The following PLA2G4F variants were observed in gnomAD, a reference collection of about 807,000 sequenced individuals.
PLA2G4F encodes phospholipase A2 group IVF, also known as cytosolic phospholipase A2 zeta.
A neutral mutation model predicts 103.1 loss-of-function variants in PLA2G4F; 105 were observed. That is an observed-to-expected ratio of 1.02 (90% CI 0.87 to 1.20). The LOEUF (loss-of-function observed/expected upper bound fraction) is 1.20, where lower values mean the gene tolerates loss of function less well. PLA2G4F is among the 50% of genes most tolerant of loss of function. The pLI is 0.00. For synonymous variants in PLA2G4F, 468 were observed against 441.1 expected, an observed-to-expected ratio of 1.06 and a Z score of -0.76; for missense variants, 1,155 against 1,075.9, an observed-to-expected ratio of 1.07 and a Z score of -1.03.
At position 42,154,360 on chromosome 15, in the gene PLA2G4F, TC is replaced by T; in HGVS notation, c.282del (p.Trp94Ter). On this transcript the variant is annotated frameshift_variant, in exon 3 of 20. Coordinates refer to ENST00000397272, the MANE Select transcript of PLA2G4F (RefSeq NM_213600.4). LOFTEE classifies it high-confidence loss of function. The part of the protein sequence containing the change: ...RIVANCSDPE[W>X]NETFHYQIHG... ...TGGATCTGGTAGTGGAAGGTCTCAT[TC>T]CACTCGGGGTCACTGCAGTTGGCCA... The T allele has an allele frequency of 1.2e-6, 2 of 1,611,646 alleles. No homozygotes were observed. Among genetic ancestry groups the T allele is most frequent in the Non-Finnish European group, 1.7e-6 (2 of 1,178,448 alleles).
chr15:42,140,010 C>A lies in PLA2G4F; in HGVS notation c.*1974G>T, dbSNP rs2048815069. The A allele has an allele frequency of 6.6e-6, 1 of 152,188 alleles. No individual in the cohort carries two copies. The highest frequency in any genetic ancestry group is 2.1e-4 in the South Asian group (1 of 4,830). 9.4% of individuals were successfully genotyped at this position (152,188 alleles called of 1,614,324 possible). A position where few individuals can be genotyped will look rare whatever the true frequency, so the allele number is the denominator to read the frequency against. On this transcript the variant is annotated 3_prime_UTR_variant, in exon 20 of 20. Transcript: ENST00000397272. ...GCTGATCACATAGCTGAAGCAGAGA[C>A]CTTATTGTAAGCAACTTTTCATGTG... is the stretch of plus-strand genomic sequence containing the variant.
In PLA2G4F at chr15:42,141,895, C is replaced by A; in HGVS notation, c.*89G>T. The A allele has an allele frequency of 7.5e-7, 1 of 1,337,894 alleles. No homozygotes were observed. Among genetic ancestry groups the A allele is most frequent in the South Asian group, 1.3e-5 (1 of 75,440 alleles). 82.9% of individuals were successfully genotyped at this position (1,337,894 alleles called of 1,614,324 possible). ...CTGGAGAGAAGGGAAGCAGATCCTG[C>A]ACAGAGTCCCCATCGCTCCTCCCTC... On this transcript the variant is annotated 3_prime_UTR_variant, in exon 20 of 20. Coordinates refer to ENST00000397272, the MANE Select transcript of PLA2G4F (RefSeq NM_213600.4).
chr15:42,153,670 G>T lies in PLA2G4F; in HGVS notation c.451-10C>A, dbSNP rs562769081. The T allele has an allele frequency of 5.0e-6, 8 of 1,614,070 alleles. No individual in the cohort carries two copies. The African/African-American group carries it at 5.3e-5, about 11-fold the overall frequency. ...GCAGCTCTTGTGAATCCTACATGGAGGGGGAGGGAGCACCAATTTTTTCAA... is the reference window on the plus strand; with the variant it reads ...GCAGCTCTTGTGAATCCTACATGGATGGGGAGGGAGCACCAATTTTTTCAA... On this transcript the variant is annotated splice_polypyrimidine_tract_variant and intron_variant, in intron 4 of 19. Coordinates refer to ENST00000397272, the MANE Select transcript of PLA2G4F (RefSeq NM_213600.4).
At chr15:42,146,001 G>A (rs746054219) in intron 14 of PLA2G4F, 98 bp from the exon 15 acceptor site, 1 of 1,588,118 alleles carries the variant, frequency 6.3e-7, no homozygotes, top group Admixed American at 1.7e-5. Flanking sequence ...GGAAGAAGCA[G>A]CAGCCCCGCT....
chr15:42,141,266 G>T lies in PLA2G4F; in HGVS notation c.*718C>A. ...CACTACACACATCACCAGAGACTGT[G>T]GTCCAGGTTCGAAGAGTGAAGCCTG... is the stretch of plus-strand genomic sequence containing the variant. On this transcript the variant is annotated 3_prime_UTR_variant, in exon 20 of 20. Transcript: ENST00000397272. 1 of 456,738 alleles carries T rather than the reference G, an allele frequency of 2.2e-6. No individual in the cohort carries two copies. The highest frequency in any genetic ancestry group is 4.4e-6 in the Non-Finnish European group (1 of 226,988). The allele number at this position is 456,738 out of a possible 1,614,324, so 28.3% of individuals were successfully genotyped here.
chr15:42,154,486 G>A, intron 2 of PLA2G4F, 28 bp from the exon 3 acceptor site: 4 of 1,532,148 alleles, frequency 2.6e-6, no homozygotes, highest in Non-Finnish European at 2.6e-6. Flanking sequence ...AGGGGCCGGG[G>A]CCTCAAGCTC....
At position 42,142,574 on chromosome 15, in the gene PLA2G4F, C is replaced by G. The variant is rs2048836281; in HGVS notation, c.2283G>C (p.Leu761=). Residue 761 remains leucine, a synonymous_variant, in exon 19 of 20, where the codon CTG becomes CTC. Transcript: ENST00000397272. ...KAEDPRSPIV[L]HFPLVNRTFR... ...AGGTACGGTTAACCAGGGGGAAGTG[C>G]AGCACAATGGGGGAGCGGGGGTCCT... is the stretch of plus-strand genomic sequence containing the variant. 6.8e-6 allele frequency: 11 copies of G among 1,614,048 alleles called. No individual in the cohort carries two copies. The highest frequency in any genetic ancestry group is 9.3e-6 in the Non-Finnish European group (11 of 1,179,984).
chr15:42,154,514 T>C lies in PLA2G4F; in HGVS notation c.185-56A>G. On this transcript the variant is annotated intron_variant, in intron 2 of 19. Transcript: ENST00000397272. ...TCAAGCTCTCATTGCTGAAAAGGTT[T>C]CCTTGGGGAGGCTAGGGCAGAAGGG... is the stretch of plus-strand genomic sequence containing the variant. 3 of 1,494,492 alleles carry C rather than the reference T, an allele frequency of 2.0e-6. No homozygotes were observed. In the South Asian group the frequency reaches 4.1e-5, roughly 21 times the overall value. The allele number at this position is 1,494,492 out of a possible 1,614,324, so 92.6% of individuals were successfully genotyped here.
intron 2 of PLA2G4F, 143 bp from the exon 3 acceptor site, chr15:42,154,601 G>A: frequency 2.2e-6 from 2 of 918,802 alleles, no homozygotes; most frequent in Non-Finnish European, 3.1e-6. Context: ...GAGGTGGAGG[G>A]AGAGCCTTGA....
At chr15:42,156,312 A>G (rs2049014397) in intron 1 of PLA2G4F, 127 bp downstream of exon 1, 4 of 654,668 alleles carry the variant, frequency 6.1e-6, no homozygotes, top group African/African-American at 1.9e-5. Flanking sequence ...CTGCCAGGTC[A>G]TCTAGAATAA....
rs368569817 is a variant in PLA2G4F at position 42,145,948 on chromosome 15, C to T, written c.1535-45G>A. 2.4e-5 allele frequency: 39 copies of T among 1,606,142 alleles called. 1 individual carries two copies. The Middle Eastern group carries it at 1.8e-3, about 75-fold the overall frequency. On this transcript the variant is annotated intron_variant, in intron 14 of 19. Transcript: ENST00000397272. ...GAAAGTCACCAGGGGCTTCCCACCA[C>T]GGTGCTTGTGCCCAAGCAGGAATCT...
rs1182686564 is a variant in PLA2G4F at position 42,156,466 on chromosome 15, C to G, written c.84G>C (p.Lys28Asn). 6.4e-7 allele frequency: 1 copy of G among 1,564,544 alleles called. No homozygotes were observed. The highest frequency in any genetic ancestry group is 1.4e-5 in the African/African-American group (1 of 73,966). The change falls in exon 1 of 20, where the codon AAG (lysine) becomes AAC (asparagine). Residue 28 changes from lysine (K) to asparagine (N), a missense_variant. Lys to Asn is a moderately conservative substitution (Grantham distance 94). Around this residue, in one of 3 missense-constraint regions of PLA2G4F, gnomAD observed 370 missense variants for 364.9 expected, o/e 1.01. Transcript: ENST00000397272. ...GCCAGTGCCTCCACAGAGGGCCCCT[C>G]TTCTCTCTCTTCTGAAGCAGCACTG... ...LGAVLLQKRE[K>N]RGPLWRHWRR... is the part of the protein sequence containing the mutation.
rs2048813326 is a variant in PLA2G4F at position 42,139,763 on chromosome 15, T to C, written c.*2221A>G. ...CTGGCTGAGATCCTCCCTGTACTTC[T>C]GGCCAATATCTGGGCCACAGCACTA... is the stretch of plus-strand genomic sequence containing the variant. On this transcript the variant is annotated 3_prime_UTR_variant, in exon 20 of 20. Transcript: ENST00000397272. 6.6e-6 allele frequency: 1 copy of C among 152,522 alleles called. No homozygotes were observed. The highest frequency in any genetic ancestry group is 2.1e-4 in the South Asian group (1 of 4,830). 9.4% of individuals were successfully genotyped at this position (152,522 alleles called of 1,614,324 possible).
chr15:42,154,620 A>T, intron 2 of PLA2G4F, 162 bp from the exon 3 acceptor site: 1 of 718,098 alleles, frequency 1.4e-6, no homozygotes, highest in Non-Finnish European at 2.1e-6. Context: ...GATGTCTTTC[A>T]CTCCATCTTG....
At chr15:42,151,154 G>T in intron 7 of PLA2G4F, 1 of 985,346 alleles carries the variant, frequency 1.0e-6, no homozygotes, top group Non-Finnish European at 1.2e-6. Context: ...CCCCACTTCA[G>T]CCTCTTTACT....
Position 42,141,277 on chromosome 15 carries a change from G to A in PLA2G4F, c.*707C>T, listed in dbSNP as rs565264931. 1.3e-5 allele frequency: 6 copies of A among 456,738 alleles called. No individual in the cohort carries two copies. The highest frequency in any genetic ancestry group is 4.0e-5 in the African/African-American group (2 of 50,198). 28.3% of individuals were successfully genotyped at this position (456,738 alleles called of 1,614,324 possible). On this transcript the variant is annotated 3_prime_UTR_variant, in exon 20 of 20. Transcript: ENST00000397272. ...TCACCAGAGACTGTGGTCCAGGTTC[G>A]AAGAGTGAAGCCTGGGTAACTGGCA...
chr15:42,142,022 G>A lies in PLA2G4F; in HGVS notation c.2512C>T (p.Leu838=). The change falls in exon 20 of 20, where the codon CTG becomes TTG. Residue 838 remains leucine, a synonymous_variant. Coordinates refer to ENST00000397272, the MANE Select transcript of PLA2G4F (RefSeq NM_213600.4). The stretch of plus-strand genomic sequence containing the variant: ...CTCTCCCGAGCCTGGTGCCGGTCCA[G>A]AGCCAGCTGGAGGGCGCACTTCAAG... ...ETLKCALQLA[L]DRHQARERAG... The A allele has an allele frequency of 6.2e-7, 1 of 1,614,122 alleles. No individual in the cohort carries two copies. The highest frequency in any genetic ancestry group is 8.5e-7 in the Non-Finnish European group (1 of 1,180,034).
chr15:42,148,382 A>T (rs1411175935), intron 11 of PLA2G4F, among the ~76,000 whole-genome samples: 1 of 152,160 alleles, frequency 6.6e-6, no homozygotes, highest in Non-Finnish European at 1.5e-5. Flanking sequence ...AAAATCAGCT[A>T]CAGCAGGTTC....
chr15:42,143,650 G>T (rs2048847746), intron 18 of PLA2G4F, among the ~76,000 whole-genome samples: 1 of 152,180 alleles, frequency 6.6e-6, no homozygotes, highest in Non-Finnish European at 1.5e-5. Context: ...AGCTGGAGTG[G>T]GGAAATCTGT....
Sources: allele counts gnomAD v4.1 joint callset (sites outside exome capture counted in the v4.1 genomes callset), GRCh38; gene constraint gnomAD v4.1.1; regional missense constraint gnomAD v4.1.1; transcripts MANE v1.5; gene names NCBI Gene and HGNC (gene_info 2026-07-23, HGNC 2026-07-21).